ZNF277: variants seen among roughly 807,000 people sequenced by gnomAD.
ZNF277 encodes zinc finger protein 277.
A neutral mutation model predicts 60.7 loss-of-function variants in ZNF277; 55 were observed. The observed-to-expected ratio is 0.91, with a 90% CI of 0.73 to 1.13. The LOEUF (loss-of-function observed/expected upper bound fraction) is 1.13. Ranked by LOEUF, ZNF277 falls within the 50% of genes most tolerant of loss-of-function variation. The probability of loss-of-function intolerance (pLI) is 0.00; values close to 1 mark genes in which losing one functional copy is unlikely to be tolerated. For missense variants in ZNF277, 510 were observed against 523.0 expected (o/e 0.98, Z 0.24); for synonymous variants, 178 against 179.3 (o/e 0.99, Z 0.06).
intron 1 of ZNF277, among the ~76,000 whole-genome samples, chr7:112,223,871 A>C (rs920546740): frequency 2.0e-5 from 3 of 152,228 alleles, no homozygotes; most frequent in Admixed American, 2.0e-4. Flanking sequence ...TGTCACATTC[A>C]AAAGCAAAGA....
intron 1 of ZNF277, among the ~76,000 whole-genome samples, chr7:112,220,448 C>T (rs1467386168): frequency 6.6e-6 from 1 of 151,952 alleles, no homozygotes; most frequent in Non-Finnish European, 1.5e-5. Context: ...TTAGGGTTTT[C>T]TGTATATAAG....
intron 1 of ZNF277, among the ~76,000 whole-genome samples, chr7:112,284,563 ACTC>A (rs1792017674): frequency 6.6e-6 from 1 of 152,110 alleles, no homozygotes; most frequent in Non-Finnish European, 1.5e-5. Context: ...GAATTCCAGA[ACTC>A]CTTGATTTCA....
chr7:112,323,143 G>C (rs144545626), intron 5 of ZNF277, among the ~76,000 whole-genome samples: 1 of 152,242 alleles, frequency 6.6e-6, no homozygotes, highest in Admixed American at 6.5e-5. Context: ...AGAGTTTCAG[G>C]GTTAATCAGA....
At chr7:112,244,660 T>C (rs1791040041) in intron 1 of ZNF277, among the ~76,000 whole-genome samples, 1 of 152,148 alleles carries the variant, frequency 6.6e-6, no homozygotes, top group Non-Finnish European at 1.5e-5. Context: ...AAGTATCATA[T>C]ACATATATAG....
At chr7:112,236,150 A>G (rs903400619) in intron 1 of ZNF277, among the ~76,000 whole-genome samples, 1 of 152,076 alleles carries the variant, frequency 6.6e-6, no homozygotes, top group Admixed American at 6.5e-5. Context: ...CGTTTTAGTA[A>G]GTTTGGAAAT....
At position 112,225,846 on chromosome 7, in the gene ZNF277, G is replaced by A. The variant is rs149027263; in HGVS notation, c.91+19039G>A. ...TTATGTTTTTAGGGACAGTATTCCA[G>A]GACTCCATAGAATTATGAGGGAGAA... On this transcript the variant is annotated intron_variant, in intron 1 of 11. Coordinates refer to ENST00000361822, the MANE Select transcript of ZNF277 (RefSeq NM_021994.3). 1.4e-3 allele frequency among the ~76,000 whole-genome samples: 215 copies of A among 152,160 alleles called. 1 individual carries two copies. The highest frequency in any genetic ancestry group is 4.8e-3 in the African/African-American group (199 of 41,486).
At chr7:112,234,217 C>G (rs543773825) in intron 1 of ZNF277, among the ~76,000 whole-genome samples, 51 of 152,158 alleles carry the variant, frequency 3.4e-4, no homozygotes, top group African/African-American at 1.2e-3. Flanking sequence ...ATTATATGTG[C>G]CTTTTAAATA....
At chr7:112,259,104 G>A (rs867491121) in intron 1 of ZNF277, among the ~76,000 whole-genome samples, 11 of 152,034 alleles carry the variant, frequency 7.2e-5, no homozygotes, top group African/African-American at 2.7e-4. Flanking sequence ...TAATAAACCA[G>A]GCTTGTTGCT....
chr7:112,228,454 CTTTTTTTTTTTTTTTTT>C (rs71150013), intron 1 of ZNF277, among the ~76,000 whole-genome samples: 1 of 36,378 alleles, frequency 2.7e-5, no homozygotes, highest in Non-Finnish European at 4.8e-5. Context: ...GAGGAGAGGC[CTTTTTTTTTTTTTTTTT>C]TTTTTTTTTT....
chr7:112,262,993 T>C lies in ZNF277; in HGVS notation c.92-23880T>C, dbSNP rs185354543. Among the ~76,000 whole-genome samples the C allele has an allele frequency of 1.1e-4, 16 of 152,282 alleles. No homozygotes were observed. In the East Asian group the frequency reaches 1.5e-3, roughly 15 times the overall value. Reference sequence around the variant, plus strand: ...TTAAGATATTTGCTCAGGGAGTGTATTATGAGCTATAATGAGCTTGGGCTC... The same window carrying C: ...TTAAGATATTTGCTCAGGGAGTGTACTATGAGCTATAATGAGCTTGGGCTC... On this transcript the variant is annotated intron_variant, in intron 1 of 11. Coordinates refer to ENST00000361822, the MANE Select transcript of ZNF277 (RefSeq NM_021994.3).
intron 11 of ZNF277, among the ~76,000 whole-genome samples, chr7:112,342,150 T>C (rs1332840953): frequency 6.6e-6 from 1 of 152,160 alleles, no homozygotes; most frequent in Admixed American, 6.5e-5. Context: ...CTAGGACCTT[T>C]GAGTAGAAAT....
At chr7:112,319,658 AAT>A (rs1429717270) in intron 5 of ZNF277, among the ~76,000 whole-genome samples, 2 of 147,480 alleles carry the variant, frequency 1.4e-5, no homozygotes, top group Non-Finnish European at 3.0e-5. Flanking sequence ...TAAATTATAT[AAT>A]ATATATAATA....
At chr7:112,269,987 A>G (rs767759114) in intron 1 of ZNF277, among the ~76,000 whole-genome samples, 1 of 152,130 alleles carries the variant, frequency 6.6e-6, no homozygotes, top group Non-Finnish European at 1.5e-5. Context: ...ATATGGGGGA[A>G]GAGGGCTAGG....
intron 4 of ZNF277, among the ~76,000 whole-genome samples, chr7:112,313,709 C>T (rs1375385524): frequency 6.6e-6 from 1 of 152,058 alleles, no homozygotes; most frequent in Non-Finnish European, 1.5e-5. Context: ...AGACCATTCT[C>T]TTTGTTTAAA....
intron 1 of ZNF277, among the ~76,000 whole-genome samples, chr7:112,222,001 G>A (rs1301459418): frequency 1.3e-5 from 2 of 152,198 alleles, no homozygotes; most frequent in Non-Finnish European, 2.9e-5. Context: ...CACATTTATA[G>A]AGTCATGTAT....
intron 1 of ZNF277, among the ~76,000 whole-genome samples, chr7:112,245,215 T>G (rs1210720936): frequency 1.3e-5 from 2 of 152,178 alleles, no homozygotes; most frequent in African/African-American, 4.8e-5. Context: ...TCCTTTCAGT[T>G]ATTCCTTTAC....
chr7:112,293,037 T>TATTTA (rs1792244765), intron 2 of ZNF277, among the ~76,000 whole-genome samples: 2 of 152,346 alleles, frequency 1.3e-5, no homozygotes, highest in African/African-American at 2.4e-5. Flanking sequence ...TGCATTATTC[T>TATTTA]ATTTAATTAT....
intron 1 of ZNF277, among the ~76,000 whole-genome samples, chr7:112,223,405 A>C (rs1403459895): frequency 6.6e-6 from 1 of 152,198 alleles, no homozygotes; most frequent in Non-Finnish European, 1.5e-5. Flanking sequence ...GGTCCACAGC[A>C]GAGACTGAGG....
chr7:112,263,860 A>T (rs1301439597), intron 1 of ZNF277, among the ~76,000 whole-genome samples: 1 of 152,152 alleles, frequency 6.6e-6, no homozygotes, highest in Admixed American at 6.5e-5. Context: ...GTGCATATAA[A>T]TATACACATT....
Sources: allele counts gnomAD v4.1 joint callset (sites outside exome capture counted in the v4.1 genomes callset), GRCh38; gene constraint gnomAD v4.1.1; transcripts MANE v1.5; gene names NCBI Gene and HGNC (gene_info 2026-07-23, HGNC 2026-07-21).